COL9A1: variants seen among roughly 807,000 people sequenced by gnomAD.
COL9A1 encodes collagen type IX alpha 1 chain.
A neutral mutation model predicts 142.6 loss-of-function variants in COL9A1; 104 were observed. The ratio of observed to expected loss-of-function variants is 0.73; its 90% CI spans 0.62 to 0.86. COL9A1 has a LOEUF of 0.86. Ranked by LOEUF, COL9A1 falls within the 40% of genes least tolerant of loss-of-function variation. The pLI is 0.00. For synonymous variants in COL9A1, 466 were observed against 396.0 expected (o/e 1.18, Z -2.10); for missense variants, 1,210 against 1,176.6 (o/e 1.03, Z -0.42).
intron 28 of COL9A1, among the ~76,000 whole-genome samples, chr6:70,246,649 T>C (rs1397898946): frequency 6.6e-6 from 1 of 152,230 alleles, no homozygotes; most frequent in Admixed American, 6.5e-5. Flanking sequence ...ACCAGCTTTC[T>C]CAGACTTTTG....
At chr6:70,219,710 TC>T (rs1768751097) in intron 37 of COL9A1, among the ~76,000 whole-genome samples, 1 of 152,218 alleles carries the variant, frequency 6.6e-6, no homozygotes, top group Admixed American at 6.5e-5. Flanking sequence ...ACAGCTGTCA[TC>T]GGGGAATACA....
At chr6:70,251,332 G>A (rs943514238) in intron 28 of COL9A1, among the ~76,000 whole-genome samples, 3 of 152,044 alleles carry the variant, frequency 2.0e-5, no homozygotes, top group Non-Finnish European at 4.4e-5. Context: ...ATCTCTTGAA[G>A]CCGGGAGTTC....
intron 5 of COL9A1, among the ~76,000 whole-genome samples, chr6:70,284,434 G>T (rs1773360158): frequency 6.6e-6 from 1 of 152,140 alleles, no homozygotes; most frequent in Non-Finnish European, 1.5e-5. Context: ...GGAAATATAA[G>T]ACTCAGGAGA....
At chr6:70,300,562 A>G (rs145245404) in intron 2 of COL9A1, among the ~76,000 whole-genome samples, 176 bp from the exon 3 acceptor site, 64 of 152,234 alleles carry the variant, frequency 4.2e-4, no homozygotes, top group African/African-American at 1.5e-3. Context: ...AAAATTCAAT[A>G]TTATACCAGC....
chr6:70,281,423 G>A lies in COL9A1; in HGVS notation c.843C>T (p.Gly281=), dbSNP rs756873013. ...PGEQGPPGPP[G]PPGVPGIDGI... is the part of the protein sequence containing the mutation. ...CATCGATGCCTGGAACTCCAGGGGG[G>A]CCCGGAGGCCCGGGAGGACCCTGCT... is the stretch of plus-strand genomic sequence containing the variant. Residue 281 remains glycine, a synonymous_variant, in exon 8 of 38, where the codon GGC becomes GGT. Transcript: ENST00000357250. 55 of 1,613,480 alleles carry A rather than the reference G, an allele frequency of 3.4e-5. No individual in the cohort carries two copies. The East Asian group carries it at 8.9e-4, about 26-fold the overall frequency.
chr6:70,292,727 A>G (rs1469566515), intron 5 of COL9A1, among the ~76,000 whole-genome samples: 2 of 152,204 alleles, frequency 1.3e-5, no homozygotes, highest in African/African-American at 4.8e-5. Flanking sequence ...GAAGTAACCT[A>G]AAGTATCTTC....
At chr6:70,272,601 C>T (rs992241531) in intron 12 of COL9A1, among the ~76,000 whole-genome samples, 1 of 152,114 alleles carries the variant, frequency 6.6e-6, no homozygotes, top group Non-Finnish European at 1.5e-5. Flanking sequence ...TATTTTCAGA[C>T]ACTGAATCCA....
chr6:70,293,630 TTC>T (rs1491533048), intron 5 of COL9A1, among the ~76,000 whole-genome samples: 33 of 74,264 alleles, frequency 4.4e-4, no homozygotes, highest in African/African-American at 1.2e-3. Context: ...CTCTCTCTCT[TTC>T]ACACACACAC....
At chr6:70,264,763 T>C (rs9455019) in intron 18 of COL9A1, among the ~76,000 whole-genome samples, 25,285 of 152,032 alleles carry the variant, frequency 0.17, 2,221 homozygotes, top group Non-Finnish European at 0.2. Flanking sequence ...ACTATGATTT[T>C]TGCATAAGTA....
chr6:70,293,630 TTCACACACAC>T (rs1773734904), intron 5 of COL9A1, among the ~76,000 whole-genome samples: 1 of 74,216 alleles, frequency 1.3e-5, no homozygotes, highest in African/African-American at 5.2e-5. Context: ...CTCTCTCTCT[TTCACACACAC>T]ACACACACAC....
In COL9A1 at chr6:70,216,950, A is replaced by AGGCT; in HGVS notation, c.2709_2712dup (p.Cys906LeufsTer12). 1 of 1,614,116 alleles carries AGGCT rather than the reference A, an allele frequency of 6.2e-7. No individual in the cohort carries two copies. The highest frequency in any genetic ancestry group is 8.5e-7 in the Non-Finnish European group (1 of 1,180,034). ...CGCTGACCAGCCTGCATGGTGCAGG[A>AGGCT]GGCTGGCTCACAGAAACCGGGAAGC... On this transcript the variant is annotated frameshift_variant, in exon 38 of 38. Transcript: ENST00000357250. LOFTEE classifies it high-confidence loss of function.
chr6:70,270,236 C>T, intron 15 of COL9A1, 78 bp downstream of exon 15: 1 of 1,429,364 alleles, frequency 7.0e-7, no homozygotes, highest in African/African-American at 1.4e-5. Context: ...TTAATAGGAA[C>T]TTCCATTTTG....
At chr6:70,218,619 T>C (rs183148585) in intron 37 of COL9A1, among the ~76,000 whole-genome samples, 2 of 152,362 alleles carry the variant, frequency 1.3e-5, no homozygotes, top group Admixed American at 6.5e-5. Flanking sequence ...TTCAACTACA[T>C]ATTTGCTTAT....
intron 36 of COL9A1, among the ~76,000 whole-genome samples, chr6:70,230,830 A>G (rs1414396135): frequency 1.3e-5 from 2 of 152,220 alleles, no homozygotes; most frequent in African/African-American, 2.4e-5. Flanking sequence ...TCCTCAGGCA[A>G]TTCCAGTGTG....
chr6:70,226,101 A>G, intron 36 of COL9A1, 92 bp from the exon 37 acceptor site: 1 of 1,142,540 alleles, frequency 8.8e-7, no homozygotes, highest in Non-Finnish European at 1.3e-6. Flanking sequence ...AAATTCAGAA[A>G]CCAAAAGGTC....
At chr6:70,289,886 T>A (rs998050842) in intron 5 of COL9A1, among the ~76,000 whole-genome samples, 3 of 152,186 alleles carry the variant, frequency 2.0e-5, no homozygotes, top group Non-Finnish European at 4.4e-5. Flanking sequence ...CTTATATTGT[T>A]TTTACATTTG....
At chr6:70,267,976 A>G (rs1187762139) in intron 17 of COL9A1, among the ~76,000 whole-genome samples, 1 of 152,238 alleles carries the variant, frequency 6.6e-6, no homozygotes, top group African/African-American at 2.4e-5. Flanking sequence ...AAATCACTTT[A>G]GACTGAGAGA....
At chr6:70,277,855 G>A (rs937005964) in intron 10 of COL9A1, among the ~76,000 whole-genome samples, 3 of 152,170 alleles carry the variant, frequency 2.0e-5, no homozygotes, top group South Asian at 2.1e-4. Flanking sequence ...GAAATGATTC[G>A]AGGTTTAAGG....
rs200103796 is a variant in COL9A1, at chr6:70,225,900, A to C, written c.2581+32T>G. The C allele has an allele frequency of 3.2e-6, 5 of 1,568,128 alleles. No homozygotes were observed. In the East Asian group the frequency reaches 9.0e-5, roughly 28 times the overall value. On this transcript the variant is annotated intron_variant, in intron 37 of 37. Transcript: ENST00000357250. ...CTGTGTACTTGCTACCAATTTCGCT[A>C]CCTCCTCCTCTCAGCTATACAACAC...
Sources: allele counts gnomAD v4.1 joint callset (sites outside exome capture counted in the v4.1 genomes callset), GRCh38; gene constraint gnomAD v4.1.1; transcripts MANE v1.5; gene names NCBI Gene and HGNC (gene_info 2026-07-23, HGNC 2026-07-21).